ZNF25: variants seen among roughly 807,000 people sequenced by gnomAD.
The protein encoded by ZNF25 is zinc finger protein 25.
In ZNF25, 21 loss-of-function variants were observed where a neutral mutation model predicts 30.9. The ratio of observed to expected loss-of-function variants is 0.68; its 90% CI spans 0.48 to 0.98. The LOEUF (loss-of-function observed/expected upper bound fraction) is 0.98. Ranked by LOEUF, ZNF25 falls within the 50% of genes least tolerant of loss-of-function variation. The probability of loss-of-function intolerance (pLI) is 0.00; values close to 1 mark genes in which losing one functional copy is unlikely to be tolerated. For synonymous variants in ZNF25, 169 were observed against 181.3 expected (o/e 0.93, Z 0.55); for missense variants, 501 against 529.9 (o/e 0.95, Z 0.54).
chr10:37,956,565 T>C (rs1185538500), intron 4 of ZNF25, among the ~76,000 whole-genome samples: 1 of 152,128 alleles, frequency 6.6e-6, no homozygotes, highest in Non-Finnish European at 1.5e-5. Flanking sequence ...AATTAGGTTT[T>C]TTTACACGTG....
chr10:37,956,711 G>A (rs530968267), intron 4 of ZNF25, among the ~76,000 whole-genome samples: 52 of 152,174 alleles, frequency 3.4e-4, no homozygotes, highest in African/African-American at 1.2e-3. Context: ...GAGGTTGGGA[G>A]TTCAAGACCA....
Position 37,957,089 on chromosome 10 carries a change from C to T in ZNF25, c.169G>A (p.Val57Ile), listed in dbSNP as rs747086045. ...TCTTTTCCTTGCTTCAACTTGAAGA[C>T]TGCATTTGGCTTATTCACATGGTAA... is the stretch of plus-strand genomic sequence containing the variant. ...VGYHVNKPNA[V>I]FKLKQGKEPW... is the part of the protein sequence containing the mutation. The change falls in exon 4 of 6, where the codon GTC becomes ATC. Residue 57 changes from valine to isoleucine, a missense_variant. Coordinates refer to ENST00000302609, the MANE Select transcript of ZNF25 (RefSeq NM_145011.4). 2 of 1,613,946 alleles carry T rather than the reference C, an allele frequency of 1.2e-6. No homozygotes were observed. Among genetic ancestry groups the T allele is most frequent in the African/African-American group, 1.3e-5 (1 of 74,884 alleles).
intron 2 of ZNF25, among the ~76,000 whole-genome samples, chr10:37,965,775 CTGTT>C (rs2063146795): frequency 1.3e-5 from 2 of 152,270 alleles, no homozygotes; most frequent in South Asian, 4.1e-4. Context: ...TATGTCTCCT[CTGTT>C]TGCTTCCTAT....
At position 37,957,414 on chromosome 10, in the gene ZNF25, C is replaced by G; in HGVS notation, c.142+6G>C. 4.3e-6 allele frequency: 7 copies of G among 1,610,232 alleles called. No homozygotes were observed. Among genetic ancestry groups the G allele is most frequent in the Non-Finnish European group, 5.9e-6 (7 of 1,178,316 alleles). ...TGGGATTTACACCTGGGGAAGTTTT[C>G]CTCACCCACTGAGACAAGGTGACTA... On this transcript the variant is annotated splice_donor_region_variant and intron_variant, in intron 3 of 5. Coordinates refer to ENST00000302609, the MANE Select transcript of ZNF25 (RefSeq NM_145011.4).
chr10:37,968,357 AT>A (rs34698067), intron 2 of ZNF25, among the ~76,000 whole-genome samples: 2,131 of 139,554 alleles, frequency 0.015, 33 homozygotes, highest in Admixed American at 0.047. Flanking sequence ...CACCCGGCCA[AT>A]TTTTTTTTTT....
chr10:37,955,655 C>G (rs2062469217), intron 4 of ZNF25, among the ~76,000 whole-genome samples: 1 of 152,054 alleles, frequency 6.6e-6, no homozygotes, highest in African/African-American at 2.4e-5. Context: ...TAGAAAGTGT[C>G]TGTTGTTAAT....
At position 37,949,808 on chromosome 10, in the gene ZNF25, A is replaced by G. The variant is rs1208602; in HGVS notation, c.*2319T>C. On this transcript the variant is annotated 3_prime_UTR_variant, in exon 6 of 6. Coordinates refer to ENST00000302609, the MANE Select transcript of ZNF25 (RefSeq NM_145011.4). ...TAAAATGATACAGGGAAAACTGGCC[A>G]TTGATTTGGGAGAAAACAAAGGAAT... The G allele has an allele frequency of 0.06, 9,141 of 152,740 alleles. 351 individuals are homozygous for G. Among genetic ancestry groups the G allele is most frequent in the Middle Eastern group, 0.095 (28 of 294 alleles). 9.5% of individuals were successfully genotyped at this position (152,740 alleles called of 1,614,324 possible).
chr10:37,962,343 A>C (rs2062934932), intron 2 of ZNF25, among the ~76,000 whole-genome samples: 1 of 152,208 alleles, frequency 6.6e-6, no homozygotes, highest in South Asian at 2.1e-4. Flanking sequence ...CTTACAGAAG[A>C]AGTGAGAAGG....
At chr10:37,956,785 C>T (rs1001941444) in intron 4 of ZNF25, among the ~76,000 whole-genome samples, 3 of 151,890 alleles carry the variant, frequency 2.0e-5, no homozygotes, top group Non-Finnish European at 1.5e-5. Context: ...GCTGGTGGTA[C>T]ATGCCTGTAA....
At chr10:37,959,991 T>G (rs576225319) in intron 2 of ZNF25, among the ~76,000 whole-genome samples, 30 of 151,928 alleles carry the variant, frequency 2.0e-4, no homozygotes, top group African/African-American at 6.8e-4. Flanking sequence ...CTTAGCTCAC[T>G]GCAAGCTCTG....
intron 1 of ZNF25, among the ~76,000 whole-genome samples, chr10:37,973,596 CAAAAAA>C (rs143239470): frequency 7.7e-6 from 1 of 130,044 alleles, no homozygotes; most frequent in Non-Finnish European, 1.6e-5. Flanking sequence ...GCCCTTGTCT[CAAAAAA>C]AAAAAAAAAA....
chr10:37,971,746 T>C lies in ZNF25; in HGVS notation c.-24A>G, dbSNP rs771715221. The stretch of plus-strand genomic sequence containing the variant: ...ATTTTCTGCTGCTCTTGGGAAAGGC[T>C]GAAAACTGCAAAGCCAGAGCAGAAA... On this transcript the variant is annotated 5_prime_UTR_variant, in exon 2 of 6. Coordinates refer to ENST00000302609, the MANE Select transcript of ZNF25 (RefSeq NM_145011.4). 2 of 1,613,914 alleles carry C rather than the reference T, an allele frequency of 1.2e-6. No homozygotes were observed. The highest frequency in any genetic ancestry group is 3.3e-5 in the Admixed American group (2 of 59,956).
chr10:37,955,600 T>C (rs1379879080), intron 4 of ZNF25, among the ~76,000 whole-genome samples: 1 of 152,160 alleles, frequency 6.6e-6, no homozygotes, highest in Admixed American at 6.5e-5. Flanking sequence ...GCTTTAAGAA[T>C]GGATGAGCTT....
chr10:37,968,305 C>A (rs1409090015), intron 2 of ZNF25, among the ~76,000 whole-genome samples: 1 of 151,966 alleles, frequency 6.6e-6, no homozygotes, highest in African/African-American at 2.4e-5. Flanking sequence ...ATCCGCCTGC[C>A]TCAGCCTCCC....
chr10:37,951,401 TG>T lies in ZNF25; in HGVS notation c.*725del, dbSNP rs1186546010. Reference sequence around the variant, plus strand: ...ATCCTATATGCTAACAGACATTTAATGTATGTTTAATGATGTTGCCTGATAA... The same window carrying T: ...ATCCTATATGCTAACAGACATTTAATTATGTTTAATGATGTTGCCTGATAA... On this transcript the variant is annotated 3_prime_UTR_variant, in exon 6 of 6. Coordinates refer to ENST00000302609, the MANE Select transcript of ZNF25 (RefSeq NM_145011.4). 4.6e-5 allele frequency: 7 copies of T among 152,372 alleles called. No homozygotes were observed. The highest frequency in any genetic ancestry group is 1.4e-4 in the African/African-American group (6 of 41,470). The allele number at this position is 152,372 out of a possible 1,614,324, so 9.4% of individuals were successfully genotyped here. A position where few individuals can be genotyped will look rare whatever the true frequency, so the allele number is the denominator to read the frequency against.
At chr10:37,976,272 T>C (rs909009963) in intron 1 of ZNF25, among the ~76,000 whole-genome samples, 11 of 152,172 alleles carry the variant, frequency 7.2e-5, no homozygotes, top group African/African-American at 2.7e-4. Flanking sequence ...CGTCACACAA[T>C]GCGGCTGCTC....
At chr10:37,974,598 A>T (rs1468318786) in intron 1 of ZNF25, among the ~76,000 whole-genome samples, 1 of 152,156 alleles carries the variant, frequency 6.6e-6, no homozygotes, top group African/African-American at 2.4e-5. Flanking sequence ...AGCTATTATA[A>T]AAAAGGCAAA....
chr10:37,965,582 G>T (rs115922755), intron 2 of ZNF25, among the ~76,000 whole-genome samples: 1,994 of 152,204 alleles, frequency 0.013, 38 homozygotes, highest in African/African-American at 0.045. Context: ...GGCATTACAA[G>T]ATAAAAGCTA....
chr10:37,969,070 G>GC (rs1564794886), intron 2 of ZNF25, among the ~76,000 whole-genome samples: 1 of 151,970 alleles, frequency 6.6e-6, no homozygotes, highest in Admixed American at 6.6e-5. Context: ...ATGCAAAACC[G>GC]CAACAATACC....
Sources: gnomAD v4.1 joint callset for allele counts (sites outside exome capture counted in the v4.1 genomes callset) on GRCh38, gnomAD v4.1.1 for gene constraint, MANE v1.5 for transcripts, NCBI Gene and HGNC (gene_info 2026-07-23, HGNC 2026-07-21) for gene names.